Variants in INTS8 observed in about 807,000 individuals in gnomAD.
INTS8 encodes protein kaonashi-1.
A neutral mutation model predicts 138.9 loss-of-function variants in INTS8; 47 were observed. The observed-to-expected ratio is 0.34, with a 90% CI of 0.27 to 0.43. The LOEUF is 0.43. INTS8 is among the 20% of genes least tolerant of loss of function. The probability of loss-of-function intolerance (pLI) is 1.00; values close to 1 mark genes in which losing one functional copy is unlikely to be tolerated. For missense variants in INTS8, 996 were observed against 1,173.0 expected (o/e 0.85, Z 2.20); for synonymous variants, 392 against 400.9 (o/e 0.98, Z 0.27).
At chr8:94,841,389 T>C in intron 8 of INTS8, 102 bp from the exon 9 acceptor site, 1 of 557,720 alleles carries the variant, frequency 1.8e-6, no homozygotes, top group Non-Finnish European at 3.2e-6. Flanking sequence ...ATTTTTGTGA[T>C]TGTTTTTCAA....
chr8:94,867,604 A>G (rs771453508), intron 20 of INTS8: 6 of 279,698 alleles, frequency 2.1e-5, no homozygotes, highest in Admixed American at 1.1e-4. Flanking sequence ...GCTCACTGCA[A>G]TCTCTGCCTC....
chr8:94,844,392 C>T (rs1815253656), intron 10 of INTS8, among the ~76,000 whole-genome samples: 1 of 152,200 alleles, frequency 6.6e-6, no homozygotes, highest in Non-Finnish European at 1.5e-5. Flanking sequence ...TTTCAGCTCA[C>T]TGCAACCTCC....
At chr8:94,864,018 A>C (rs79503261) in intron 16 of INTS8, among the ~76,000 whole-genome samples, 1,554 of 152,334 alleles carry the variant, frequency 0.01, 87 homozygotes, top group Admixed American at 0.09. Flanking sequence ...TATGGAGAAG[A>C]ATGTCCTCGT....
intron 2 of INTS8, 129 bp downstream of exon 2, chr8:94,825,196 A>C: frequency 1.7e-6 from 1 of 576,890 alleles, no homozygotes; most frequent in African/African-American, 2.0e-5. Flanking sequence ...GCCTATAATA[A>C]TCCCGGCACT....
Position 94,881,404 on chromosome 8 carries a change from G to A in INTS8, c.*1170G>A. The A allele has an allele frequency of 1.9e-6, 1 of 532,234 alleles. No individual in the cohort carries two copies. The highest frequency in any genetic ancestry group is 3.3e-6 in the Non-Finnish European group (1 of 303,324). 33.0% of individuals were successfully genotyped at this position (532,234 alleles called of 1,614,324 possible). On this transcript the variant is annotated 3_prime_UTR_variant, in exon 27 of 27. Coordinates refer to ENST00000523731, the MANE Select transcript of INTS8 (RefSeq NM_017864.4). ...TCTATCCAGTAACCTTGGGAATGAA[G>A]ACATCTTTGTAAACAAGTCCTGCTG...
intron 6 of INTS8, among the ~76,000 whole-genome samples, chr8:94,835,489 T>C (rs1814887837): frequency 6.6e-6 from 1 of 152,214 alleles, no homozygotes. Context: ...CTTTAACCAG[T>C]ATGTTACGGT....
At position 94,873,463 on chromosome 8, in the gene INTS8, G is replaced by A. The variant is rs530195857; in HGVS notation, c.2623G>A (p.Val875Ile). The change falls in exon 22 of 27, where the codon GTT becomes ATT. Residue 875 changes from valine to isoleucine, a missense_variant. Physicochemically the swap from Val to Ile is conservative, Grantham distance 29. Coordinates refer to ENST00000523731, the MANE Select transcript of INTS8 (RefSeq NM_017864.4). ...CTTTAACAAGGCTGTGCCCCCTGAT[G>A]TTTATACAGACCAGGTGAATTGTTT... Reference protein sequence around the residue: ...DFFNKAVPPDVYTDQVIKRMI... With the variant: ...DFFNKAVPPDIYTDQVIKRMI... The A allele has an allele frequency of 1.1e-5, 18 of 1,610,386 alleles. 1 individual carries two copies. In the South Asian group the frequency reaches 1.9e-4, roughly 17 times the overall value.
At chr8:94,826,890 G>A (rs1814527717) in intron 2 of INTS8, among the ~76,000 whole-genome samples, 1 of 152,172 alleles carries the variant, frequency 6.6e-6, no homozygotes, top group Non-Finnish European at 1.5e-5. Flanking sequence ...CAGATCACAA[G>A]GTCAGGAGAT....
At chr8:94,828,351 T>C (rs1015304498) in intron 4 of INTS8, among the ~76,000 whole-genome samples, 2 of 152,200 alleles carry the variant, frequency 1.3e-5, no homozygotes, top group Non-Finnish European at 2.9e-5. Context: ...TGATATTTTT[T>C]TCATTTAATT....
chr8:94,871,203 C>T lies in INTS8; in HGVS notation c.2415-681C>T, dbSNP rs575284057. On this transcript the variant is annotated intron_variant, in intron 20 of 26. Coordinates refer to ENST00000523731, the MANE Select transcript of INTS8 (RefSeq NM_017864.4). ...CATTTGGGGGCCAGGTGTGGTGGCT[C>T]AGGACTGTAATCCCCAGCACCGGGA... is the stretch of plus-strand genomic sequence containing the variant. 2.6e-5 allele frequency among the ~76,000 whole-genome samples: 4 copies of T among 151,798 alleles called. No individual in the cohort carries two copies. In the South Asian group the frequency reaches 8.3e-4, roughly 32 times the overall value.
chr8:94,872,734 A>G (rs1037352153), intron 21 of INTS8, among the ~76,000 whole-genome samples: 6 of 152,198 alleles, frequency 3.9e-5, no homozygotes, highest in South Asian at 2.1e-4. Context: ...CAATGCTTCT[A>G]TTACTCTACA....
At chr8:94,829,934 C>T (rs1814650281) in intron 5 of INTS8, among the ~76,000 whole-genome samples, 1 of 152,120 alleles carries the variant, frequency 6.6e-6, no homozygotes, top group African/African-American at 2.4e-5. Flanking sequence ...GAGTCTTGCT[C>T]TGTTACCAGG....
intron 5 of INTS8, among the ~76,000 whole-genome samples, chr8:94,830,521 A>G (rs899292216): frequency 1.3e-5 from 2 of 152,158 alleles, no homozygotes; most frequent in African/African-American, 4.8e-5. Context: ...TTTTTTAGAC[A>G]GGGTCTGACT....
At chr8:94,838,722 A>T in intron 8 of INTS8, 104 bp downstream of exon 8, 1 of 781,280 alleles carries the variant, frequency 1.3e-6, no homozygotes, top group Admixed American at 2.2e-5. Flanking sequence ...GGGGCAAGTC[A>T]TTTACACTGT....
At chr8:94,858,496 G>A (rs1307248402) in intron 15 of INTS8, among the ~76,000 whole-genome samples, 1 of 152,152 alleles carries the variant, frequency 6.6e-6, no homozygotes, top group East Asian at 1.9e-4. Context: ...AAAAGTGGGA[G>A]GTAGGTTTTC....
intron 26 of INTS8, among the ~76,000 whole-genome samples, chr8:94,877,354 A>G (rs1000049769): frequency 2.6e-5 from 4 of 152,238 alleles, no homozygotes; most frequent in African/African-American, 9.6e-5. Flanking sequence ...ACTAAAATAT[A>G]TGCCCATTGT....
intron 11 of INTS8, 111 bp downstream of exon 11, chr8:94,849,643 C>A: frequency 5.8e-6 from 4 of 683,780 alleles, no homozygotes; most frequent in South Asian, 2.1e-5. Flanking sequence ...TTTAACCAGG[C>A]AGTAACTGGT....
In INTS8 at chr8:94,865,575, G is replaced by A. The variant is rs750419126; in HGVS notation, c.2146G>A (p.Asp716Asn). The change falls in exon 17 of 27, where the codon GAC (aspartate) becomes AAC (asparagine). Residue 716 changes from aspartate to asparagine, a missense_variant. Physicochemically the swap from Asp to Asn is conservative, Grantham distance 23. Transcript: ENST00000523731. ...TAAAGAAAGTAGACGGACTGCCAAA[G>A]ACCTTTGGGAAGTTGTTGTTCAAAT... Reference protein sequence around the residue: ...GPKESRRTAKDLWEVVVQICS... With the variant: ...GPKESRRTAKNLWEVVVQICS... 33 of 1,614,150 alleles carry A rather than the reference G, an allele frequency of 2.0e-5. No individual in the cohort carries two copies. Among genetic ancestry groups the A allele is most frequent in the Non-Finnish European group, 2.6e-5 (31 of 1,179,978 alleles).
At chr8:94,843,566 CA>C (rs555280111) in intron 10 of INTS8, among the ~76,000 whole-genome samples, 84 of 140,442 alleles carry the variant, frequency 6.0e-4, no homozygotes, top group East Asian at 6.1e-4. Context: ...GACTCCATCT[CA>C]AAAAAAAAAA....
Sources: gnomAD v4.1 joint callset for allele counts (sites outside exome capture counted in the v4.1 genomes callset) on GRCh38, gnomAD v4.1.1 for gene constraint, MANE v1.5 for transcripts, NCBI Gene and HGNC (gene_info 2026-07-23, HGNC 2026-07-21) for gene names.